The following UNC5D variants were observed in gnomAD, a reference collection of about 807,000 sequenced individuals.
UNC5D encodes the protein netrin receptor UNC5D.
UNC5D carries 39 observed loss-of-function variants against 105.4 expected under a neutral mutation model. That is an observed-to-expected ratio of 0.37 (90% CI 0.29 to 0.48). UNC5D has a LOEUF of 0.48. Among genes scored for constraint, UNC5D ranks in the 20% least tolerant of loss-of-function variants. UNC5D has a pLI of 0.98. For synonymous variants in UNC5D, 452 were observed against 450.4 expected (o/e 1.00, Z -0.04); for missense variants, 991 against 1,202.4 (o/e 0.82, Z 2.60).
chr8:35,271,688 C>CATGTATACATATATATGTATAA (rs1554499084), intron 1 of UNC5D, among the ~76,000 whole-genome samples: 1 of 9,376 alleles, frequency 1.1e-4, no homozygotes, highest in Non-Finnish European at 4.4e-4. Context: ...TATATGTATA[C>CATGTATACATATATATGTATAA]ATGTATACAT....
chr8:35,343,587 A>T (rs1811607245), intron 1 of UNC5D, among the ~76,000 whole-genome samples: 1 of 152,046 alleles, frequency 6.6e-6, no homozygotes, highest in Admixed American at 6.6e-5. Context: ...ATGTTTCCCC[A>T]TTTGGCATTT....
At chr8:35,536,496 C>T (rs118023552) in intron 1 of UNC5D, among the ~76,000 whole-genome samples, 1,966 of 152,230 alleles carry the variant, frequency 0.013, 27 homozygotes, top group Non-Finnish European at 0.019. Flanking sequence ...CTTTATGAAT[C>T]CTCCACATAA....
intron 8 of UNC5D, among the ~76,000 whole-genome samples, chr8:35,712,589 A>T (rs1418187588): frequency 6.6e-6 from 1 of 152,184 alleles, no homozygotes; most frequent in African/African-American, 2.4e-5. Context: ...CTTCTCACTG[A>T]AGAAAATTCC....
chr8:35,376,046 T>G (rs1048380222), intron 1 of UNC5D, among the ~76,000 whole-genome samples: 2 of 152,168 alleles, frequency 1.3e-5, no homozygotes, highest in Non-Finnish European at 2.9e-5. Flanking sequence ...GTATTATGTG[T>G]TTTTTGATCA....
chr8:35,405,298 A>G (rs537129867), intron 1 of UNC5D, among the ~76,000 whole-genome samples: 79 of 152,268 alleles, frequency 5.2e-4, no homozygotes, highest in African/African-American at 1.8e-3. Context: ...GTGGTGTGTA[A>G]TAAGATCATA....
At chr8:35,756,551 TAAAAAAAA>T (rs560731427) in intron 13 of UNC5D, among the ~76,000 whole-genome samples, 1 of 122,994 alleles carries the variant, frequency 8.1e-6, no homozygotes, top group Non-Finnish European at 1.7e-5. Flanking sequence ...CATGAGTCTT[TAAAAAAAA>T]AAAAAAAAGA....
chr8:35,656,398 G>C (rs889187702), intron 4 of UNC5D, among the ~76,000 whole-genome samples: 23 of 152,160 alleles, frequency 1.5e-4, no homozygotes, highest in Non-Finnish European at 1.3e-4. Context: ...CTGAGAAGTT[G>C]ACAGTTAATG....
At chr8:35,458,014 G>A (rs977177804) in intron 1 of UNC5D, among the ~76,000 whole-genome samples, 2 of 152,234 alleles carry the variant, frequency 1.3e-5, no homozygotes, top group South Asian at 4.1e-4. Flanking sequence ...AGAGACCAAG[G>A]CCTTGTGGAG....
chr8:35,277,957 G>T (rs746457181), intron 1 of UNC5D, among the ~76,000 whole-genome samples: 1 of 152,158 alleles, frequency 6.6e-6, no homozygotes, highest in African/African-American at 2.4e-5. Context: ...AGCAGCTTGG[G>T]CAGGGGTGGC....
At chr8:35,329,705 C>T (rs1169826771) in intron 1 of UNC5D, among the ~76,000 whole-genome samples, 2 of 152,134 alleles carry the variant, frequency 1.3e-5, no homozygotes, top group African/African-American at 4.8e-5. Context: ...TAACTGGGGC[C>T]TAGTGCAATT....
At chr8:35,516,442 G>T (rs1320158395) in intron 1 of UNC5D, among the ~76,000 whole-genome samples, 1 of 152,134 alleles carries the variant, frequency 6.6e-6, no homozygotes, top group Non-Finnish European at 1.5e-5. Context: ...GTCATTTGGT[G>T]GTGGTCCACC....
chr8:35,707,970 C>T (rs183173604), intron 8 of UNC5D, among the ~76,000 whole-genome samples: 2 of 152,268 alleles, frequency 1.3e-5, no homozygotes, highest in Non-Finnish European at 2.9e-5. Context: ...GGAATCCAAT[C>T]GGGGTTCTGT....
intron 1 of UNC5D, among the ~76,000 whole-genome samples, chr8:35,493,211 A>G (rs1351193784): frequency 6.8e-6 from 1 of 146,466 alleles, no homozygotes; most frequent in African/African-American, 2.5e-5. Flanking sequence ...CCCAACAACA[A>G]TTTAAATTTG....
intron 1 of UNC5D, among the ~76,000 whole-genome samples, chr8:35,282,781 A>G (rs1806287878): frequency 6.6e-6 from 1 of 151,704 alleles, no homozygotes; most frequent in Non-Finnish European, 1.5e-5. Flanking sequence ...ATCCTGGAAT[A>G]ATAATATTCA....
At chr8:35,240,154 T>C (rs185641916) in intron 1 of UNC5D, among the ~76,000 whole-genome samples, 9 of 152,256 alleles carry the variant, frequency 5.9e-5, no homozygotes, top group Non-Finnish European at 1.2e-4. Flanking sequence ...CTCACTATTT[T>C]GCCCAGGTTG....
Position 35,722,518 on chromosome 8 carries a change from T to C in UNC5D, c.1303+123T>C, listed in dbSNP as rs73584866. 7.4e-4 allele frequency: 966 copies of C among 1,299,402 alleles called. 8 individuals are homozygous for C. The African/African-American group carries it at 0.013, about 17-fold the overall frequency. The allele number at this position is 1,299,402 out of a possible 1,614,324, so 80.5% of individuals were successfully genotyped here. A position where few individuals can be genotyped will look rare whatever the true frequency, so the allele number is the denominator to read the frequency against. On this transcript the variant is annotated intron_variant, in intron 9 of 16. Transcript: ENST00000404895. ...CTTGGCACTGGGAGCCGCTACCAAA[T>C]TGTCTTCACACATGAACAGACCGGG...
chr8:35,295,684 T>C (rs1454465038), intron 1 of UNC5D, among the ~76,000 whole-genome samples: 1 of 152,144 alleles, frequency 6.6e-6, no homozygotes, highest in Non-Finnish European at 1.5e-5. Flanking sequence ...TTTGTAGGTG[T>C]GGTGAGAACA....
rs1249661883 is a variant in UNC5D at position 35,683,609 on chromosome 8, G to A, written c.633G>A (p.Arg211=). 2 of 1,581,014 alleles carry A rather than the reference G, an allele frequency of 1.3e-6. No homozygotes were observed. The highest frequency in any genetic ancestry group is 1.7e-6 in the Non-Finnish European group (2 of 1,168,398). Residue 211 remains arginine (R), a synonymous_variant, in exon 5 of 17, where the codon AGG becomes AGA. Coordinates refer to ENST00000404895, the MANE Select transcript of UNC5D (RefSeq NM_080872.4). ...AACAAGACGAGAACATTGACACCAG[G>A]GCTGACCATAACCTGATCATCAGGC... ...DSEQDENIDT[R]ADHNLIIRQA... is the part of the protein sequence containing the mutation.
chr8:35,780,535 G>A (rs1802456424), intron 16 of UNC5D, among the ~76,000 whole-genome samples: 1 of 152,214 alleles, frequency 6.6e-6, no homozygotes, highest in South Asian at 2.1e-4. Flanking sequence ...ACTTGAGGTA[G>A]GAGAGTCCTA....
Sources: allele counts gnomAD v4.1 joint callset (sites outside exome capture counted in the v4.1 genomes callset), GRCh38; gene constraint gnomAD v4.1.1; transcripts MANE v1.5; gene names NCBI Gene and HGNC (gene_info 2026-07-23, HGNC 2026-07-21).